The following ZFHX3 variants were observed in gnomAD, a reference collection of about 807,000 sequenced individuals.
The protein encoded by ZFHX3 is zinc finger homeobox protein 3.
A neutral mutation model predicts 279.1 loss-of-function variants in ZFHX3; 42 were observed. That is an observed-to-expected ratio of 0.15 (90% confidence interval 0.12 to 0.19). The LOEUF is 0.19. ZFHX3 is among the 10% of genes least tolerant of loss of function. The pLI is 1.00. For missense variants in ZFHX3, 4,981 were observed against 4,754.0 expected, an observed-to-expected ratio of 1.05 and a Z score of -1.40; for synonymous variants, 2,293 against 1,957.8, an observed-to-expected ratio of 1.17 and a Z score of -4.52.
At chr16:73,555,429 C>T (rs1179605130) in intron 2 of ZFHX3, among the ~76,000 whole-genome samples, 2 of 150,806 alleles carry the variant, frequency 1.3e-5, no homozygotes, top group African/African-American at 2.4e-5. Context: ...GCTGGGATTA[C>T]AGGCGTGAGC....
chr16:73,258,885 G>A (rs1251498567), intron 4 of ZFHX3, among the ~76,000 whole-genome samples: 2 of 151,976 alleles, frequency 1.3e-5, no homozygotes, highest in African/African-American at 2.4e-5. Flanking sequence ...TGCCGTTCCC[G>A]GGTAAGAGTT....
chr16:72,965,786 T>C (rs776636870), intron 1 of ZFHX3, among the ~76,000 whole-genome samples: 19 of 152,232 alleles, frequency 1.2e-4, no homozygotes, highest in Non-Finnish European at 2.4e-4. Flanking sequence ...GTAAAGCATA[T>C]ACTGTAAGTT....
At chr16:73,123,493 C>G (rs772470665) in intron 7 of ZFHX3, 1 of 150,356 alleles carries the variant, frequency 6.7e-6, no homozygotes, top group Non-Finnish European at 1.5e-5. Context: ...GTGATACCAT[C>G]TGGGACCACC....
chr16:73,451,977 G>A (rs2018288019), intron 3 of ZFHX3, among the ~76,000 whole-genome samples: 2 of 152,162 alleles, frequency 1.3e-5, no homozygotes, highest in Admixed American at 1.3e-4. Context: ...TTGGAGAGAT[G>A]AGGGCTACAT....
intron 2 of ZFHX3, among the ~76,000 whole-genome samples, chr16:73,676,331 C>T (rs2052953649): frequency 6.6e-6 from 1 of 151,910 alleles, no homozygotes; most frequent in South Asian, 2.1e-4. Context: ...CTGGAGAGAG[C>T]AATGGAATGT....
chr16:73,752,164 G>A (rs2053767880), intron 1 of ZFHX3, among the ~76,000 whole-genome samples: 1 of 152,118 alleles, frequency 6.6e-6, no homozygotes, highest in African/African-American at 2.4e-5. Flanking sequence ...CCAGCTTTCA[G>A]CTTCCAATTC....
chr16:73,761,935 C>T (rs548125404), intron 1 of ZFHX3, among the ~76,000 whole-genome samples: 26 of 151,926 alleles, frequency 1.7e-4, no homozygotes, highest in African/African-American at 4.6e-4. Context: ...AAAAATTTCA[C>T]GACAAAGATG....
chr16:72,847,579 G>A (rs1485375177), intron 4 of ZFHX3, among the ~76,000 whole-genome samples: 5 of 152,074 alleles, frequency 3.3e-5, no homozygotes, highest in African/African-American at 4.8e-5. Flanking sequence ...CACAGCTTCC[G>A]CAGCCAAGGG....
Position 72,796,724 on chromosome 16 carries a change from G to T in ZFHX3, c.5958C>A (p.Asp1986Glu), listed in dbSNP as rs377502032. Residue 1986 changes from aspartate to glutamate, a missense_variant, in exon 9 of 10, where the codon GAC (aspartate) becomes GAA (glutamate). By Grantham distance (45) the Asp-to-Glu change is conservative. This residue lies in a region of ZFHX3 where 1,751 missense variants were observed against 1,770.0 expected (regional missense o/e 0.99). Transcript: ENST00000268489. ...QGENLEKLEC[D>E]SCGKLFSNIL... is the part of the protein sequence containing the mutation. ...TGTTGGAAAACAACTTGCCGCAGGAGTCACACTCGAGCTTTTCCAGGTTCT... is the reference window on the plus strand; with the variant it reads ...TGTTGGAAAACAACTTGCCGCAGGATTCACACTCGAGCTTTTCCAGGTTCT... 24 of 1,613,820 alleles carry T rather than the reference G, an allele frequency of 1.5e-5. No individual in the cohort carries two copies. Among genetic ancestry groups the T allele is most frequent in the Non-Finnish European group, 1.9e-5 (22 of 1,180,004 alleles).
At chr16:73,487,413 T>TTTC (rs2018994461) in intron 2 of ZFHX3, 1 of 432,412 alleles carries the variant, frequency 2.3e-6, no homozygotes. Flanking sequence ...ATGTGATTTT[T>TTTC]TTTTTTTTTG....
intron 3 of ZFHX3, among the ~76,000 whole-genome samples, chr16:73,372,734 C>T (rs997072364): frequency 1.3e-5 from 2 of 152,164 alleles, no homozygotes; most frequent in Non-Finnish European, 2.9e-5. Context: ...TCCGGTGACA[C>T]TGGAGAGAAG....
At chr16:72,945,508 G>A (rs1960621249) in intron 3 of ZFHX3, among the ~76,000 whole-genome samples, 1 of 152,108 alleles carries the variant, frequency 6.6e-6, no homozygotes, top group South Asian at 2.1e-4. Context: ...GCTGCTCCAG[G>A]AGAAGGAGGG....
intron 2 of ZFHX3, among the ~76,000 whole-genome samples, chr16:73,512,438 C>T (rs1259772726): frequency 7.6e-6 from 1 of 131,344 alleles, no homozygotes; most frequent in African/African-American, 2.9e-5. Flanking sequence ...CAGAGCGAGA[C>T]TCCGTCTCAA....
intron 1 of ZFHX3, among the ~76,000 whole-genome samples, chr16:73,840,654 C>T (rs948884251): frequency 6.6e-6 from 1 of 152,198 alleles, no homozygotes; most frequent in African/African-American, 2.4e-5. Context: ...ACCTAAAGAG[C>T]CTCCAAGGCA....
intron 3 of ZFHX3, among the ~76,000 whole-genome samples, chr16:72,891,307 G>A (rs762691664): frequency 3.9e-5 from 6 of 152,164 alleles, no homozygotes; most frequent in Admixed American, 6.5e-5. Context: ...GCCTCCAGGA[G>A]GCAGGCACAG....
chr16:72,800,137 G>GC lies in ZFHX3; in HGVS notation c.3865-9dup. 6.2e-7 allele frequency: 1 copy of GC among 1,611,046 alleles called. No homozygotes were observed. The highest frequency in any genetic ancestry group is 8.5e-7 in the Non-Finnish European group (1 of 1,177,222). Reference sequence around the variant, plus strand: ...CATCTCAGGGGTGGTCACCTGAGGAGCAAGAGCAAGGAGAGTCAAATGGAG... The same window carrying GC: ...CATCTCAGGGGTGGTCACCTGAGGAGCCAAGAGCAAGGAGAGTCAAATGGAG... On this transcript the variant is annotated splice_polypyrimidine_tract_variant and intron_variant, in intron 7 of 9. Coordinates refer to ENST00000268489, the MANE Select transcript of ZFHX3 (RefSeq NM_006885.4).
At chr16:73,307,729 C>T (rs1194152089) in intron 4 of ZFHX3, among the ~76,000 whole-genome samples, 1 of 152,138 alleles carries the variant, frequency 6.6e-6, no homozygotes, top group Non-Finnish European at 1.5e-5. Flanking sequence ...TGTTAAAATT[C>T]ACAGTTGAAA....
intron 4 of ZFHX3, among the ~76,000 whole-genome samples, chr16:72,855,081 G>A (rs1410000875): frequency 6.6e-6 from 1 of 152,100 alleles, no homozygotes; most frequent in Non-Finnish European, 1.5e-5. Flanking sequence ...GAGAGGGCTG[G>A]GGCAGATTGA....
At chr16:73,181,285 G>C (rs894278537) in intron 5 of ZFHX3, among the ~76,000 whole-genome samples, 24 of 151,926 alleles carry the variant, frequency 1.6e-4, no homozygotes, top group African/African-American at 5.6e-4. Flanking sequence ...ATTTTTAGTA[G>C]AGATAAGGTT....
Sources: allele counts gnomAD v4.1 joint callset (sites outside exome capture counted in the v4.1 genomes callset), GRCh38; gene constraint gnomAD v4.1.1; regional missense constraint gnomAD v4.1.1; transcripts MANE v1.5; gene names NCBI Gene and HGNC (gene_info 2026-07-23, HGNC 2026-07-21).